PDE3B: variants seen among roughly 807,000 people sequenced by gnomAD.
PDE3B encodes cGMP-inhibited 3',5'-cyclic phosphodiesterase 3B.
A neutral mutation model predicts 116.8 loss-of-function variants in PDE3B; 66 were observed. That is an observed-to-expected ratio of 0.56 (90% confidence interval 0.46 to 0.69). The LOEUF (loss-of-function observed/expected upper bound fraction) is 0.69. Among genes scored for constraint, PDE3B ranks in the 30% least tolerant of loss-of-function variants. The pLI, the probability that PDE3B is intolerant of heterozygous loss-of-function variation, is 0.00. For missense variants in PDE3B, 1,384 were observed against 1,368.1 expected, an observed-to-expected ratio of 1.01 and a Z score of -0.18; for synonymous variants, 595 against 533.6, an observed-to-expected ratio of 1.12 and a Z score of -1.59.
chr11:14,867,369 T>C (rs1241241852), intron 14 of PDE3B, 137 bp from the exon 15 acceptor site: 4 of 683,176 alleles, frequency 5.9e-6, no homozygotes, highest in South Asian at 4.2e-5. Context: ...GTTGAAATGA[T>C]AGATTGATGC....
In PDE3B at chr11:14,644,415, G is replaced by GT; in HGVS notation, c.341dup (p.Cys115ValfsTer225). 11 of 1,610,578 alleles carry GT rather than the reference G, an allele frequency of 6.8e-6. No homozygotes were observed. Among genetic ancestry groups the GT allele is most frequent in the Admixed American group, 1.7e-5 (1 of 59,776 alleles). ...CGCCTGGCTGCGGACGCTGCTGAGC[G>GT]TGTGTTCGCACAGCTTGAGCCCCCT... On this transcript the variant is annotated frameshift_variant, in exon 1 of 16. Transcript: ENST00000282096. LOFTEE classifies it high-confidence loss of function.
At chr11:14,891,418 T>C in the PDE3B span, 2 of 985,698 alleles carry the variant, frequency 2.0e-6, no homozygotes, top group Non-Finnish European at 2.4e-6. Flanking sequence ...CATTCACGCG[T>C]TCACAATCGT....
In PDE3B at chr11:14,869,884, T is replaced by C. The variant is rs1555008778; in HGVS notation, c.*224T>C. 9.0e-6 allele frequency: 4 copies of C among 442,610 alleles called. No homozygotes were observed. The highest frequency in any genetic ancestry group is 3.6e-5 in the South Asian group (1 of 27,482). 27.4% of individuals were successfully genotyped at this position (442,610 alleles called of 1,614,324 possible). On this transcript the variant is annotated 3_prime_UTR_variant, in exon 16 of 16. Coordinates refer to ENST00000282096, the MANE Select transcript of PDE3B (RefSeq NM_000922.4). ...TCTTAAACCAAAAATACCATCCGTG[T>C]TGACCCATGTTGCAGAGCCCTTACT...
chr11:14,787,249 A>G (rs1020005107), intron 3 of PDE3B, among the ~76,000 whole-genome samples: 1 of 152,000 alleles, frequency 6.6e-6, no homozygotes, highest in African/African-American at 2.4e-5. Context: ...TTCTTTAGAA[A>G]ATAATAAATA....
intron 12 of PDE3B, among the ~76,000 whole-genome samples, chr11:14,857,455 C>G (rs923597734): frequency 1.3e-5 from 2 of 152,212 alleles, no homozygotes; most frequent in Non-Finnish European, 2.9e-5. Flanking sequence ...TTGCCTCCCA[C>G]TCATCTTTGA....
chr11:14,669,548 TG>T (rs11309629), intron 1 of PDE3B, among the ~76,000 whole-genome samples: 151,087 of 151,088 alleles, frequency 1, 75,543 homozygotes, highest in Middle Eastern at 1. Flanking sequence ...TGTGCCATGT[TG>T]GGTGTGCTGC....
At chr11:14,850,650 T>C (rs1280520446) in intron 12 of PDE3B, among the ~76,000 whole-genome samples, 1 of 152,190 alleles carries the variant, frequency 6.6e-6, no homozygotes, top group East Asian at 1.9e-4. Flanking sequence ...CTTCTGAATA[T>C]ATTAGTGTAT....
intron 1 of PDE3B, among the ~76,000 whole-genome samples, chr11:14,671,288 C>G (rs1012910682): frequency 6.6e-6 from 1 of 152,014 alleles, no homozygotes; most frequent in African/African-American, 2.4e-5. Context: ...GAAGGGAAAG[C>G]CTCTCTGAAG....
At chr11:14,776,588 A>C (rs1857792742) in intron 2 of PDE3B, 1 of 152,150 alleles carries the variant, frequency 6.6e-6, no homozygotes, top group African/African-American at 2.4e-5. Flanking sequence ...TACATATGTA[A>C]CTAACCTGCA....
rs1024164484 is a variant in PDE3B at position 14,869,413 on chromosome 11, T to A, written c.3140-48T>A. ...TAGGCACTTAATATTTGTTGAATGA[T>A]TAAATCATATTGCTATGATTAGAAT... On this transcript the variant is annotated intron_variant, in intron 15 of 15. Coordinates refer to ENST00000282096, the MANE Select transcript of PDE3B (RefSeq NM_000922.4). 5.3e-6 allele frequency: 8 copies of A among 1,521,054 alleles called. No individual in the cohort carries two copies. The African/African-American group carries it at 9.8e-5, about 19-fold the overall frequency. 94.2% of individuals were successfully genotyped at this position (1,521,054 alleles called of 1,614,324 possible).
intron 1 of PDE3B, among the ~76,000 whole-genome samples, chr11:14,741,445 G>C (rs537638981): frequency 6.6e-6 from 1 of 151,828 alleles, no homozygotes; most frequent in Non-Finnish European, 1.5e-5. Context: ...CCATTTGCTT[G>C]GTAAATATTC....
At chr11:14,762,140 C>G (rs1033768662) in intron 1 of PDE3B, among the ~76,000 whole-genome samples, 1 of 151,392 alleles carries the variant, frequency 6.6e-6, no homozygotes, top group Non-Finnish European at 1.5e-5. Context: ...GACCCTGTCT[C>G]TACGGATTTT....
At chr11:14,820,814 G>A (rs185152096) in intron 7 of PDE3B, among the ~76,000 whole-genome samples, 22 of 152,236 alleles carry the variant, frequency 1.4e-4, no homozygotes, top group African/African-American at 4.3e-4. Context: ...ACTTGGCCAG[G>A]CTGGCACCCT....
intron 15 of PDE3B, among the ~76,000 whole-genome samples, chr11:14,868,887 G>A (rs1290251157): frequency 6.6e-6 from 1 of 152,084 alleles, no homozygotes; most frequent in Admixed American, 6.5e-5. Context: ...TGGAAATGGT[G>A]GCAGGCGCCT....
At chr11:14,779,717 C>T (rs1437174662) in intron 2 of PDE3B, among the ~76,000 whole-genome samples, 1 of 152,094 alleles carries the variant, frequency 6.6e-6, no homozygotes, top group Non-Finnish European at 1.5e-5. Flanking sequence ...CAAAAACATG[C>T]CAAATTGTAA....
At chr11:14,727,128 A>G (rs1426695455) in intron 1 of PDE3B, among the ~76,000 whole-genome samples, 1 of 152,136 alleles carries the variant, frequency 6.6e-6, no homozygotes, top group African/African-American at 2.4e-5. Context: ...TCCTTGGTAA[A>G]TGATTCACAT....
At chr11:14,850,676 G>A (rs1228465360) in intron 12 of PDE3B, among the ~76,000 whole-genome samples, 1 of 151,820 alleles carries the variant, frequency 6.6e-6, no homozygotes, top group Non-Finnish European at 1.5e-5. Flanking sequence ...AATTCTTCTG[G>A]TATATTATTT....
rs1437380627 is a variant in PDE3B at position 14,716,370 on chromosome 11, C to T, written c.979-55567C>T. Among the ~76,000 whole-genome samples, 3 of 151,880 alleles carry T rather than the reference C, an allele frequency of 2.0e-5. No homozygotes were observed. In the South Asian group the frequency reaches 6.2e-4, roughly 32 times the overall value. On this transcript the variant is annotated intron_variant, in intron 1 of 15. Transcript: ENST00000282096. ...GGGAGCCCGCCATTGCCCAGGCTTG[C>T]TTAGGTAAACAAAGCAGCCAGGAAG...
At chr11:14,729,705 A>AT (rs1264102251) in intron 1 of PDE3B, among the ~76,000 whole-genome samples, 3 of 152,246 alleles carry the variant, frequency 2.0e-5, no homozygotes, top group African/African-American at 7.2e-5. Context: ...TACATAAAGT[A>AT]TGATTAATCT....
Sources: allele counts gnomAD v4.1 joint callset (sites outside exome capture counted in the v4.1 genomes callset), GRCh38; gene constraint gnomAD v4.1.1; transcripts MANE v1.5; gene names NCBI Gene and HGNC (gene_info 2026-07-23, HGNC 2026-07-21).